TSHZ2: variants seen among roughly 807,000 people sequenced by gnomAD.
TSHZ2 encodes teashirt zinc finger homeobox 2.
TSHZ2 carries 21 observed loss-of-function variants against 74.4 expected under a neutral mutation model. The ratio of observed to expected loss-of-function variants is 0.28; its 90% CI spans 0.20 to 0.41. TSHZ2 has a LOEUF of 0.41. Among genes scored for constraint, TSHZ2 ranks in the 10% least tolerant of loss-of-function variants. The pLI is 1.00. For missense variants in TSHZ2, 1,244 were observed against 1,293.5 expected, an observed-to-expected ratio of 0.96 and a Z score of 0.59; for synonymous variants, 540 against 515.3, an observed-to-expected ratio of 1.05 and a Z score of -0.65.
At chr20:53,047,653 TACA>T (rs1261803324) in intron 1 of TSHZ2, among the ~76,000 whole-genome samples, 1 of 151,878 alleles carries the variant, frequency 6.6e-6, no homozygotes, top group African/African-American at 2.4e-5. Context: ...GAAACAAAGC[TACA>T]ACAAGTAATT....
chr20:53,449,328 G>A (rs1453766417), intron 2 of TSHZ2, among the ~76,000 whole-genome samples: 1 of 152,138 alleles, frequency 6.6e-6, no homozygotes, highest in African/African-American at 2.4e-5. Flanking sequence ...GTAAATAAAA[G>A]TTTTCAGCAT....
chr20:53,053,236 AAAT>A (rs1237556661), intron 1 of TSHZ2, among the ~76,000 whole-genome samples: 1 of 152,204 alleles, frequency 6.6e-6, no homozygotes, highest in African/African-American at 2.4e-5. Context: ...TTTTATTACC[AAAT>A]AATATTTCAT....
chr20:53,393,378 G>C (rs541731682), intron 2 of TSHZ2, among the ~76,000 whole-genome samples: 1 of 152,202 alleles, frequency 6.6e-6, no homozygotes, highest in Non-Finnish European at 1.5e-5. Context: ...TAGCTTTGCA[G>C]TTCTCTGGCT....
chr20:53,425,256 C>T (rs748085461), intron 2 of TSHZ2, among the ~76,000 whole-genome samples: 8 of 152,192 alleles, frequency 5.3e-5, no homozygotes, highest in Non-Finnish European at 8.8e-5. Context: ...TGTTCCCTTT[C>T]TTGTTGTCCA....
chr20:53,255,951 C>T lies in TSHZ2; in HGVS notation c.2493C>T (p.Val831=). Residue 831 remains valine, a synonymous_variant, in exon 2 of 3, where the codon GTC becomes GTT. Transcript: ENST00000371497. The surrounding 1 kb of genome is among the most constrained non-coding windows in gnomAD (Gnocchi z 4.1). ...LEMDVRRFED[V]SSEVSTLHKR... is the part of the protein sequence containing the mutation. ...TGGATGTCAGGCGCTTTGAGGATGT[C>T]TCCAGTGAAGTCTCAACTTTGCATA... 1 of 1,614,156 alleles carries T rather than the reference C, an allele frequency of 6.2e-7. No homozygotes were observed. The highest frequency in any genetic ancestry group is 8.5e-7 in the Non-Finnish European group (1 of 1,180,016).
At chr20:53,351,770 C>T (rs554268496) in intron 2 of TSHZ2, among the ~76,000 whole-genome samples, 1 of 152,250 alleles carries the variant, frequency 6.6e-6, no homozygotes, top group African/African-American at 2.4e-5. Flanking sequence ...AAGCTTCTTC[C>T]CCAGGTGGTA....
At chr20:53,064,689 A>ACAC (rs1984922673) in intron 1 of TSHZ2, among the ~76,000 whole-genome samples, 1 of 150,740 alleles carries the variant, frequency 6.6e-6, no homozygotes. Context: ...TAGACAGAGA[A>ACAC]ACACACACAC....
At chr20:53,199,189 G>T (rs570216074) in intron 1 of TSHZ2, among the ~76,000 whole-genome samples, 1 of 152,348 alleles carries the variant, frequency 6.6e-6, no homozygotes, top group Non-Finnish European at 1.5e-5. Flanking sequence ...TATTACAAGT[G>T]TGTTTAGAAC....
At chr20:53,187,128 A>T (rs1452897126) in intron 1 of TSHZ2, among the ~76,000 whole-genome samples, 1 of 152,164 alleles carries the variant, frequency 6.6e-6, no homozygotes, top group Non-Finnish European at 1.5e-5. Flanking sequence ...GACAGTGATA[A>T]TGATTTGACA....
rs926762294 is a variant in TSHZ2 at position 53,246,020 on chromosome 20, TTTTCTTTC to T, written c.41-7463_41-7456del. Among the ~76,000 whole-genome samples, 15 of 148,730 alleles carry T rather than the reference TTTTCTTTC, an allele frequency of 1.0e-4. 1 individual carries two copies. The highest frequency in any genetic ancestry group is 3.3e-4 in the Admixed American group (5 of 15,058). On this transcript the variant is annotated intron_variant, in intron 1 of 2. Transcript: ENST00000371497. ...GAAAGTCCTTCAGTAGCAGCTGTGC[TTTTCTTTC>T]TTTCTTTCTTTCTTTTTTTTTTTTT...
At chr20:53,400,118 C>T (rs919215031) in intron 2 of TSHZ2, 3 of 152,792 alleles carry the variant, frequency 2.0e-5, no homozygotes, top group Admixed American at 2.0e-4. Flanking sequence ...GCTGGCTACT[C>T]ACTGTAGAGT....
intron 2 of TSHZ2, among the ~76,000 whole-genome samples, chr20:53,362,763 A>G (rs544947673): frequency 6.6e-6 from 1 of 152,268 alleles, no homozygotes; most frequent in Non-Finnish European, 1.5e-5. Flanking sequence ...AAATGTTGGA[A>G]TGTACATTAA....
chr20:53,276,874 TC>T (rs1990957526), intron 2 of TSHZ2, among the ~76,000 whole-genome samples: 2 of 152,208 alleles, frequency 1.3e-5, no homozygotes, highest in African/African-American at 2.4e-5. Context: ...TTAGCAGCTT[TC>T]CTCCTGTCTT....
At chr20:53,271,473 T>C (rs552182964) in intron 2 of TSHZ2, among the ~76,000 whole-genome samples, 1 of 152,336 alleles carries the variant, frequency 6.6e-6, no homozygotes, top group East Asian at 1.9e-4. Flanking sequence ...AACCCTAGAA[T>C]TGAGGCTGGG....
chr20:53,250,835 G>GGA lies in TSHZ2; in HGVS notation c.41-2664_41-2663insGA, dbSNP rs1555841116. ...AAGCTCTGCTTCCAAATGTCAGTGGGAAAAAAAAAAAAAAAAGAACACTTC... is the reference window on the plus strand; with the variant it reads ...AAGCTCTGCTTCCAAATGTCAGTGGGGAAAAAAAAAAAAAAAAAGAACACTTC... On this transcript the variant is annotated intron_variant, in intron 1 of 2. Coordinates refer to ENST00000371497, the MANE Select transcript of TSHZ2 (RefSeq NM_173485.6). Among the ~76,000 whole-genome samples, 8 of 125,852 alleles carry GGA rather than the reference G, an allele frequency of 6.4e-5. No homozygotes were observed. In the East Asian group the frequency reaches 9.2e-4, roughly 14 times the overall value. 82.6% of individuals were successfully genotyped at this position (125,852 alleles called of 152,430 possible).
At chr20:53,062,745 G>A (rs1293434) in intron 1 of TSHZ2, among the ~76,000 whole-genome samples, 23,615 of 152,198 alleles carry the variant, frequency 0.16, 2,282 homozygotes, top group East Asian at 0.31. Context: ...GTTCAGTAGA[G>A]TAGAACTTTT....
chr20:52,977,910 G>A (rs1981407013), intron 1 of TSHZ2, among the ~76,000 whole-genome samples: 1 of 152,088 alleles, frequency 6.6e-6, no homozygotes, highest in Non-Finnish European at 1.5e-5. Context: ...TTTTGGGGAG[G>A]GGAGAAACAT....
At chr20:53,195,720 A>G (rs958550556) in intron 1 of TSHZ2, among the ~76,000 whole-genome samples, 3 of 152,190 alleles carry the variant, frequency 2.0e-5, no homozygotes, top group Non-Finnish European at 2.9e-5. Flanking sequence ...TCTTGGAAAG[A>G]GCACAAGGAT....
chr20:53,186,451 G>A (rs1297232206), intron 1 of TSHZ2, among the ~76,000 whole-genome samples: 2 of 152,324 alleles, frequency 1.3e-5, no homozygotes, highest in South Asian at 2.1e-4. Flanking sequence ...CTGCAAGTCT[G>A]TGTCTTTGAT....
Sources: gnomAD v4.1 joint callset for allele counts (sites outside exome capture counted in the v4.1 genomes callset) on GRCh38, gnomAD v4.1.1 for gene constraint, Gnocchi (gnomAD v3.1) non-coding constraint, MANE v1.5 for transcripts, NCBI Gene and HGNC (gene_info 2026-07-23, HGNC 2026-07-21) for gene names.